Variants in GLIS3 observed in about 807,000 individuals in gnomAD.
GLIS3 encodes zinc finger protein GLIS3.
In GLIS3, 53 loss-of-function variants were observed where a neutral mutation model predicts 78.6. The ratio of observed to expected loss-of-function variants is 0.67; its 90% CI spans 0.54 to 0.85. The LOEUF (loss-of-function observed/expected upper bound fraction) is 0.85, where lower values mean the gene tolerates loss of function less well. Among genes scored for constraint, GLIS3 ranks in the 40% least tolerant of loss-of-function variants. GLIS3 has a pLI of 0.00. For synonymous variants in GLIS3, 684 were observed against 509.9 expected (o/e 1.34, Z -4.60); for missense variants, 1,703 against 1,231.1 (o/e 1.38, Z -5.74).
intron 4 of GLIS3, among the ~76,000 whole-genome samples, chr9:3,951,885 C>T (rs1035482646): frequency 1.2e-4 from 18 of 147,196 alleles, no homozygotes; most frequent in African/African-American, 4.5e-4. Context: ...CACACACACA[C>T]GCACGCACAC....
At chr9:4,007,977 G>A (rs1353694525) in intron 4 of GLIS3, among the ~76,000 whole-genome samples, 2 of 151,932 alleles carry the variant, frequency 1.3e-5, no homozygotes, top group African/African-American at 4.8e-5. Context: ...TTCTGTCAGT[G>A]TGCTTCTCTG....
the GLIS3 span, among the ~76,000 whole-genome samples, chr9:4,465,294 T>C: frequency 2.0e-5 from 3 of 152,378 alleles, no homozygotes; most frequent in African/African-American, 2.4e-5. Context: ...ATGCCTGTAA[T>C]CCCGGCACTT....
At chr9:4,137,438 C>T (rs751973919) in intron 2 of GLIS3, among the ~76,000 whole-genome samples, 3 of 152,172 alleles carry the variant, frequency 2.0e-5, no homozygotes, top group Non-Finnish European at 2.9e-5. Flanking sequence ...ACCAGCATTA[C>T]TCACTGCAAT....
chr9:3,967,785 A>G (rs1818066991), intron 4 of GLIS3, among the ~76,000 whole-genome samples: 1 of 152,208 alleles, frequency 6.6e-6, no homozygotes, highest in Non-Finnish European at 1.5e-5. Flanking sequence ...TGTAAGGAAA[A>G]TCATATATGT....
intron 7 of GLIS3, among the ~76,000 whole-genome samples, chr9:3,883,711 G>A (rs1450644328): frequency 1.3e-5 from 2 of 152,130 alleles, no homozygotes; most frequent in Non-Finnish European, 2.9e-5. Flanking sequence ...TCAACTCCGG[G>A]GTCATTACTG....
At chr9:4,325,526 C>G (rs1329619240) in intron 2 of GLIS3, among the ~76,000 whole-genome samples, 1 of 152,180 alleles carries the variant, frequency 6.6e-6, no homozygotes, top group Non-Finnish European at 1.5e-5. Flanking sequence ...TCCAGTTGCT[C>G]TCGATTCTCC....
intron 9 of GLIS3, chr9:3,855,566 T>C (rs1303603018): frequency 8.7e-6 from 2 of 228,994 alleles, no homozygotes; most frequent in Non-Finnish European, 8.7e-6. Context: ...AGCTGGGGGA[T>C]CAGGAAGGGC....
rs1191689170 is a variant in GLIS3 at position 4,118,045 on chromosome 9, T to C, written c.1433A>G (p.Gln478Arg). 1 of 1,470,224 alleles carries C rather than the reference T, an allele frequency of 6.8e-7. No homozygotes were observed. Among genetic ancestry groups the C allele is most frequent in the African/African-American group, 1.5e-5 (1 of 65,868 alleles). 91.1% of individuals were successfully genotyped at this position (1,470,224 alleles called of 1,614,324 possible). A position where few individuals can be genotyped will look rare whatever the true frequency, so the allele number is the denominator to read the frequency against. Residue 478 changes from glutamine (Q) to arginine (R), a missense_variant, in exon 4 of 11, where the codon CAG becomes CGG. Coordinates refer to ENST00000381971, the MANE Select transcript of GLIS3 (RefSeq NM_001042413.2). This position sits in a 1 kb window ranked among gnomAD's most constrained non-coding sequence, Gnocchi z 4.7. ...GGTGGCCTGGGGCAAGGCCAGCTGCTGGGCGTGGGGCCCGAGCTCCGGGTG... is the reference window on the plus strand; with the variant it reads ...GGTGGCCTGGGGCAAGGCCAGCTGCCGGGCGTGGGGCCCGAGCTCCGGGTG... ...LHHPELGPHA[Q>R]QLALPQATLD...
At chr9:4,087,894 C>A (rs1243243788) in intron 4 of GLIS3, among the ~76,000 whole-genome samples, 2 of 152,166 alleles carry the variant, frequency 1.3e-5, no homozygotes, top group Admixed American at 1.3e-4. Flanking sequence ...TTATCCATAC[C>A]TTGGTTACCT....
At chr9:4,378,609 T>C in the GLIS3 span, among the ~76,000 whole-genome samples, 4 of 152,090 alleles carry the variant, frequency 2.6e-5, no homozygotes, top group African/African-American at 4.8e-5. Flanking sequence ...ACTATATATA[T>C]AATGAAAACA....
intron 4 of GLIS3, among the ~76,000 whole-genome samples, chr9:4,062,736 G>C (rs1826755864): frequency 6.6e-6 from 1 of 152,126 alleles, no homozygotes; most frequent in Non-Finnish European, 1.5e-5. Context: ...GACCATCCTG[G>C]CTAACACAGC....
intron 4 of GLIS3, among the ~76,000 whole-genome samples, chr9:4,045,929 G>A (rs1057181421): frequency 6.6e-6 from 1 of 152,068 alleles, no homozygotes; most frequent in African/African-American, 2.4e-5. Context: ...TTATATAGAG[G>A]TCGGTCACCT....
chr9:4,249,057 T>A (rs1035812555), intron 2 of GLIS3, among the ~76,000 whole-genome samples: 3 of 152,222 alleles, frequency 2.0e-5, no homozygotes, highest in African/African-American at 7.2e-5. Context: ...TGAAGTCAGG[T>A]AGCATGATGT....
chr9:4,013,602 A>G (rs1388359606), intron 4 of GLIS3, among the ~76,000 whole-genome samples: 1 of 152,200 alleles, frequency 6.6e-6, no homozygotes, highest in Non-Finnish European at 1.5e-5. Flanking sequence ...TGGCTTCTCT[A>G]TCAAATGTAG....
chr9:3,952,013 G>C (rs1201907221), intron 4 of GLIS3, among the ~76,000 whole-genome samples: 1 of 151,962 alleles, frequency 6.6e-6, no homozygotes, highest in African/African-American at 2.4e-5. Flanking sequence ...GTGAGAGAGA[G>C]AGGGGAAACC....
the GLIS3 span, among the ~76,000 whole-genome samples, chr9:4,480,077 T>G: frequency 1.3e-5 from 2 of 151,956 alleles, no homozygotes; most frequent in Admixed American, 1.3e-4. Context: ...CAGAAAATAT[T>G]TTCTTCTGAT....
chr9:4,438,321 C>T, the GLIS3 span, among the ~76,000 whole-genome samples: 30,196 of 151,962 alleles, frequency 0.2, 3,185 homozygotes, highest in Middle Eastern at 0.29. Flanking sequence ...AAGAAAAAAT[C>T]GCAGATATAG....
At position 3,926,233 on chromosome 9, in the gene GLIS3, G is replaced by GTTTTTT. The variant is rs369677580; in HGVS notation, c.1983+6121_1983+6126dup. On this transcript the variant is annotated intron_variant, in intron 6 of 10. Transcript: ENST00000381971. Reference sequence around the variant, plus strand: ...CGACTAAAGCAATGCTTTTTCTTTTGTTTTTTTTTTTTTCTTTGACGGAGT... The same window carrying GTTTTTT: ...CGACTAAAGCAATGCTTTTTCTTTTGTTTTTTTTTTTTTTTTTTTCTTTGACGGAGT... 1.1e-4 allele frequency among the ~76,000 whole-genome samples: 15 copies of GTTTTTT among 135,146 alleles called. 4 individuals carry two copies. Among genetic ancestry groups the GTTTTTT allele is most frequent in the African/African-American group, 3.8e-4 (14 of 36,574 alleles). 88.7% of individuals were successfully genotyped at this position (135,146 alleles called of 152,430 possible). A position where few individuals can be genotyped will look rare whatever the true frequency, so the allele number is the denominator to read the frequency against.
chr9:4,161,850 T>C (rs1586844669), intron 2 of GLIS3, among the ~76,000 whole-genome samples: 3 of 206 alleles, frequency 0.015, no homozygotes, highest in African/African-American at 0.015. Flanking sequence ...CTAATTTTTG[T>C]TTTTTTTTTT....
Sources: gnomAD v4.1 joint callset for allele counts (sites outside exome capture counted in the v4.1 genomes callset) on GRCh38, gnomAD v4.1.1 for gene constraint, Gnocchi (gnomAD v3.1) non-coding constraint, MANE v1.5 for transcripts, NCBI Gene and HGNC (gene_info 2026-07-23, HGNC 2026-07-21) for gene names.